The following CLPB variants were observed in gnomAD, a reference collection of about 807,000 sequenced individuals.
CLPB encodes the protein mitochondrial disaggregase.
A neutral mutation model predicts 78.4 loss-of-function variants in CLPB; 40 were observed. The observed-to-expected ratio is 0.51, with a 90% CI of 0.40 to 0.66. The LOEUF (loss-of-function observed/expected upper bound fraction) is 0.66. Ranked by LOEUF, CLPB falls within the 30% of genes least tolerant of loss-of-function variation. The pLI is 0.00. For synonymous variants in CLPB, 333 were observed against 348.0 expected, an observed-to-expected ratio of 0.96 and a Z score of 0.48; for missense variants, 780 against 886.9, an observed-to-expected ratio of 0.88 and a Z score of 1.53.
intron 9 of CLPB, 58 bp downstream of exon 9, chr11:72,307,141 T>C (rs1361930912): frequency 2.7e-6 from 4 of 1,488,804 alleles, no homozygotes; most frequent in Admixed American, 1.7e-5. Context: ...TTTTTTGGGA[T>C]AGCAGGAATG....
Position 72,302,328 on chromosome 11 carries a change from C to T in CLPB, c.1143G>A (p.Met381Ile), listed in dbSNP as rs786205137. 45 of 1,614,058 alleles carry T rather than the reference C, an allele frequency of 2.8e-5. No individual in the cohort carries two copies. The highest frequency in any genetic ancestry group is 3.7e-5 in the Non-Finnish European group (44 of 1,180,034). Residue 381 changes from methionine to isoleucine, a missense_variant, in exon 10 of 16, where the codon ATG becomes ATA. Coordinates refer to ENST00000538039, the MANE Select transcript of CLPB (RefSeq NM_001258392.3). ...DAKKGFIRLD[M>I]SEFQERHEVA... The stretch of plus-strand genomic sequence containing the variant: ...CCTCGTGTCGCTCCTGGAACTCGGA[C>T]ATGTCCAGCCTGATGAAGCCCTGTG...
chr11:72,323,670 G>A (rs1426447496), intron 6 of CLPB, among the ~76,000 whole-genome samples: 5 of 151,630 alleles, frequency 3.3e-5, no homozygotes, highest in Admixed American at 6.6e-5. Context: ...ACATCATAAC[G>A]TTTGGACCAT....
intron 3 of CLPB, among the ~76,000 whole-genome samples, chr11:72,388,915 A>T (rs1010705290): frequency 6.6e-6 from 1 of 152,214 alleles, no homozygotes; most frequent in Non-Finnish European, 1.5e-5. Context: ...GATGGTGAAA[A>T]CGGGCTCAGC....
At chr11:72,296,663 A>G (rs1223386843) in intron 11 of CLPB, among the ~76,000 whole-genome samples, 1 of 152,212 alleles carries the variant, frequency 6.6e-6, no homozygotes, top group African/African-American at 2.4e-5. Context: ...CTTTCATCAC[A>G]GATGCTCTGC....
chr11:72,301,484 A>G (rs1949654105), intron 11 of CLPB, among the ~76,000 whole-genome samples: 1 of 152,212 alleles, frequency 6.6e-6, no homozygotes, highest in Admixed American at 6.5e-5. Context: ...AAGGCCACAA[A>G]GCCAGTCAGG....
At chr11:72,386,994 C>T (rs1855097192) in intron 3 of CLPB, among the ~76,000 whole-genome samples, 1 of 152,092 alleles carries the variant, frequency 6.6e-6, no homozygotes, top group South Asian at 2.1e-4. Flanking sequence ...TAACTGAAAG[C>T]ACTGCAAAAC....
At chr11:72,409,212 TG>T (rs1855802396) in intron 2 of CLPB, among the ~76,000 whole-genome samples, 4 of 152,144 alleles carry the variant, frequency 2.6e-5, no homozygotes. Flanking sequence ...CTAGGTCTCC[TG>T]CTTGGCAGGG....
Position 72,286,230 on chromosome 11 carries a change from T to TTTTTTTTTTTTTTTG in CLPB, c.*7136_*7137insCAAAAAAAAAAAAAA. Reference sequence around the variant, plus strand: ...GTGTGAGATACTGCACCTGTTTTTTTTTTTTTTTTTTTTTTTAAGAGATAG... The same window carrying TTTTTTTTTTTTTTTG: ...GTGTGAGATACTGCACCTGTTTTTTTTTTTTTTTTTTTTTGTTTTTTTTTTTTTTTTAAGAGATAG... On this transcript the variant is annotated 3_prime_UTR_variant, in exon 16 of 16. Transcript: ENST00000538039. 2 of 134,076 alleles carry TTTTTTTTTTTTTTTG rather than the reference T, an allele frequency of 1.5e-5. No individual in the cohort carries two copies. The highest frequency in any genetic ancestry group is 2.9e-5 in the African/African-American group (1 of 34,474). The allele number at this position is 134,076 out of a possible 1,614,324, so 8.3% of individuals were successfully genotyped here.
intron 7 of CLPB, chr11:72,310,988 GC>G (rs2053677557): frequency 6.6e-6 from 1 of 152,196 alleles, no homozygotes; most frequent in Admixed American, 6.5e-5. Flanking sequence ...TCACTGCACA[GC>G]TGTCCCTGGT....
chr11:72,357,236 G>A (rs1004914900), intron 5 of CLPB: 1 of 113,072 alleles, frequency 8.8e-6, no homozygotes, highest in Non-Finnish European at 1.7e-5. Context: ...GCAAGATTAC[G>A]TGCGTGTTCC....
intron 3 of CLPB, among the ~76,000 whole-genome samples, chr11:72,383,694 G>GA (rs148560882): frequency 4.0e-5 from 6 of 150,258 alleles, no homozygotes; most frequent in South Asian, 2.1e-4. Flanking sequence ...AATGCTGAAT[G>GA]AAAAAAAAAC....
intron 11 of CLPB, among the ~76,000 whole-genome samples, chr11:72,297,609 T>TA (rs1949572986): frequency 6.7e-6 from 1 of 148,202 alleles, no homozygotes; most frequent in Admixed American, 6.7e-5. Context: ...ACAGATCCAC[T>TA]GAGGGCAGTT....
At chr11:72,343,812 T>C (rs1950462669) in intron 5 of CLPB, among the ~76,000 whole-genome samples, 1 of 152,198 alleles carries the variant, frequency 6.6e-6, no homozygotes, top group South Asian at 2.1e-4. Flanking sequence ...AACTTCCAAC[T>C]TATTAGAAAG....
Position 72,289,019 on chromosome 11 carries a change from TAGCTG to T in CLPB, c.*4343_*4347del, listed in dbSNP as rs1329919860. 1 of 152,210 alleles carries T rather than the reference TAGCTG, an allele frequency of 6.6e-6. No individual in the cohort carries two copies. The highest frequency in any genetic ancestry group is 2.4e-5 in the African/African-American group (1 of 41,412). 9.4% of individuals were successfully genotyped at this position (152,210 alleles called of 1,614,324 possible). On this transcript the variant is annotated 3_prime_UTR_variant, in exon 16 of 16. Transcript: ENST00000538039. ...GATTCTCCTGCCTCAGCCTCCCGAG[TAGCTG>T]AGACTACAGGCGCCCGCCACCACGC... is the stretch of plus-strand genomic sequence containing the variant.
intron 6 of CLPB, among the ~76,000 whole-genome samples, chr11:72,325,496 C>T (rs966784166): frequency 1.1e-4 from 16 of 152,120 alleles, no homozygotes; most frequent in African/African-American, 3.1e-4. Flanking sequence ...GAGGCTTCGG[C>T]GCACAGAATG....
In CLPB at chr11:72,308,639, G is replaced by A. The variant is rs753856042; in HGVS notation, c.989-35C>T. On this transcript the variant is annotated intron_variant, in intron 7 of 15. Coordinates refer to ENST00000538039, the MANE Select transcript of CLPB (RefSeq NM_001258392.3). ...AACACACAAGATCAGGGGACAGGGA[G>A]GGAGGCAGATAAATCAATGACACAA... The A allele has an allele frequency of 5.1e-6, 8 of 1,570,538 alleles. No homozygotes were observed. In the East Asian group the frequency reaches 1.8e-4, roughly 35 times the overall value.
chr11:72,330,393 A>G (rs954622770), intron 5 of CLPB, among the ~76,000 whole-genome samples: 2 of 152,142 alleles, frequency 1.3e-5, no homozygotes, highest in African/African-American at 2.4e-5. Context: ...GTGGCTGGGT[A>G]TTTCCTCCAA....
chr11:72,364,562 G>C (rs1950905959), intron 4 of CLPB, among the ~76,000 whole-genome samples: 1 of 151,710 alleles, frequency 6.6e-6, no homozygotes. Flanking sequence ...GTCTACCTAT[G>C]TTGCCTAGGC....
intron 4 of CLPB, chr11:72,373,126 C>A (rs953592746): frequency 3.7e-6 from 3 of 810,400 alleles, no homozygotes; most frequent in Non-Finnish European, 4.1e-6. Flanking sequence ...CCTCTACCCC[C>A]AGAAGGGCCC....
Sources: gnomAD v4.1 joint callset for allele counts (sites outside exome capture counted in the v4.1 genomes callset) on GRCh38, gnomAD v4.1.1 for gene constraint, MANE v1.5 for transcripts, NCBI Gene and HGNC (gene_info 2026-07-23, HGNC 2026-07-21) for gene names.